BBS4: variants seen among roughly 807,000 people sequenced by gnomAD.
The protein encoded by BBS4 is Bardet-Biedl syndrome 4, also known as BBSome complex member BBS4.
A neutral mutation model predicts 71.4 loss-of-function variants in BBS4; 58 were observed. The ratio of observed to expected loss-of-function variants is 0.81; its 90% CI spans 0.66 to 1.01. The LOEUF is 1.01. Ranked by LOEUF, BBS4 falls within the 50% of genes least tolerant of loss-of-function variation. The pLI is 0.00. For missense variants in BBS4, 660 were observed against 607.9 expected (o/e 1.09, Z -0.90); for synonymous variants, 228 against 216.8 (o/e 1.05, Z -0.46).
intron 10 of BBS4, among the ~76,000 whole-genome samples, chr15:72,730,393 TCAA>T (rs1436193942): frequency 3.3e-5 from 5 of 152,192 alleles, no homozygotes; most frequent in African/African-American, 1.2e-4. Flanking sequence ...GGCCAGGAGT[TCAA>T]GACCAGGCTG....
intron 6 of BBS4, among the ~76,000 whole-genome samples, chr15:72,718,166 A>G (rs189013298): frequency 1.3e-5 from 2 of 152,142 alleles, no homozygotes; most frequent in Admixed American, 1.3e-4. Context: ...TCATTTTATT[A>G]TATGTTCAGG....
intron 3 of BBS4, among the ~76,000 whole-genome samples, chr15:72,710,195 G>GTTCTTTTTTTTTTTTTTTTTT (rs1239689474): frequency 9.7e-6 from 1 of 103,436 alleles, no homozygotes; most frequent in Non-Finnish European, 1.8e-5. Flanking sequence ...ATTTTGTCGA[G>GTTCTTTTTTTTTTTTTTTTTT]TTTTTTTTTT....
intron 4 of BBS4, among the ~76,000 whole-genome samples, chr15:72,712,574 G>T (rs2065393768): frequency 1.3e-5 from 2 of 152,236 alleles, no homozygotes; most frequent in Non-Finnish European, 2.9e-5. Flanking sequence ...GTATGAGCAG[G>T]TGTTATACCG....
Position 72,737,553 on chromosome 15 carries a change from C to G in BBS4, c.1526C>G (p.Pro509Arg). Residue 509 changes from proline (P) to arginine (R), a missense_variant, in exon 16 of 16, where the codon CCA (proline) becomes CGA (arginine). Transcript: ENST00000268057. ...CCAGAGCCTGCGGTGGAATCAAGTC[C>G]AACTGAAACATCAGAACAAATAAGA... The part of the protein sequence containing the change: ...LEPEPAVESS[P>R]TETSEQIREK 6.2e-7 allele frequency: 1 copy of G among 1,611,728 alleles called. No homozygotes were observed. The highest frequency in any genetic ancestry group is 8.5e-7 in the Non-Finnish European group (1 of 1,179,066).
chr15:72,720,165 C>T (rs537691502), intron 6 of BBS4, among the ~76,000 whole-genome samples: 1 of 151,642 alleles, frequency 6.6e-6, no homozygotes, highest in South Asian at 2.1e-4. Flanking sequence ...ACCTACCCTA[C>T]ATATTTCATA....
intron 6 of BBS4, among the ~76,000 whole-genome samples, chr15:72,720,434 C>A (rs2065548636): frequency 6.7e-6 from 1 of 148,910 alleles, no homozygotes; most frequent in South Asian, 2.1e-4. Context: ...ATGCGGTGAA[C>A]TGTGATTGTG....
intron 8 of BBS4, among the ~76,000 whole-genome samples, chr15:72,726,638 A>G (rs2065708514): frequency 6.6e-6 from 1 of 152,206 alleles, no homozygotes; most frequent in Admixed American, 6.5e-5. Flanking sequence ...ATTTTCTTCA[A>G]CCATATTTTG....
Position 72,733,357 on chromosome 15 carries a change from G to T in BBS4, c.1036+1631G>T, listed in dbSNP as rs537000602. ...TGTGCATCCTGTTACACAGGCACGT[G>T]TGTCATGGGGATTAGTTGTACAGAT... On this transcript the variant is annotated intron_variant, in intron 12 of 15. Coordinates refer to ENST00000268057, the MANE Select transcript of BBS4 (RefSeq NM_033028.5). Among the ~76,000 whole-genome samples, 461 of 152,166 alleles carry T rather than the reference G, an allele frequency of 3.0e-3. 3 individuals are homozygous for T. The highest frequency in any genetic ancestry group is 0.011 in the African/African-American group (436 of 41,496).
At chr15:72,725,990 CTTCCCCT>C (rs1318071752) in intron 8 of BBS4, among the ~76,000 whole-genome samples, 3 of 130,734 alleles carry the variant, frequency 2.3e-5, no homozygotes, top group Non-Finnish European at 3.2e-5. Context: ...TCCCATCTCC[CTTCCCCT>C]TTCCCCTCCC....
At chr15:72,716,892 C>T (rs2151025146) in intron 6 of BBS4, 42 bp downstream of exon 6, 1 of 1,382,082 alleles carries the variant, frequency 7.2e-7, no homozygotes, top group Non-Finnish European at 1.0e-6. Flanking sequence ...AGTAAACTTG[C>T]TAATGGTTCC....
chr15:72,696,450 A>G (rs1411804653), intron 2 of BBS4, among the ~76,000 whole-genome samples: 1 of 152,172 alleles, frequency 6.6e-6, no homozygotes, highest in Non-Finnish European at 1.5e-5. Context: ...GTAGCACCAT[A>G]ATCAAGTTAT....
Position 72,688,430 on chromosome 15 carries a change from T to C in BBS4, c.24+2179T>C, listed in dbSNP as rs796878917. 4.7e-4 allele frequency among the ~76,000 whole-genome samples: 68 copies of C among 144,564 alleles called. 2 individuals are homozygous for C. The highest frequency in any genetic ancestry group is 1.4e-3 in the African/African-American group (52 of 37,996). The allele number at this position is 144,564 out of a possible 152,430, so 94.8% of individuals were successfully genotyped here. A position where few individuals can be genotyped will look rare whatever the true frequency, so the allele number is the denominator to read the frequency against. On this transcript the variant is annotated intron_variant, in intron 1 of 15. Transcript: ENST00000268057. ...TTTTATCTTTTTTTTTTTTTTTTTT[T>C]TGAGACGGAGTCTCACTTTGTCGCC...
rs191347929 is a variant in BBS4, at chr15:72,725,800, C to T, written c.587+1145C>T. Among the ~76,000 whole-genome samples, 59 of 18,370 alleles carry T rather than the reference C, an allele frequency of 3.2e-3. 14 individuals carry two copies. The East Asian group carries it at 0.04, about 13-fold the overall frequency. The allele number at this position is 18,370 out of a possible 152,430, so 12.1% of individuals were successfully genotyped here. A position where few individuals can be genotyped will look rare whatever the true frequency, so the allele number is the denominator to read the frequency against. ...CTTCCCCTTCCTCCTTCCCTCTTCC[C>T]CCATCCCCCTTCCCCCATCCCCCTT... On this transcript the variant is annotated intron_variant, in intron 8 of 15. Transcript: ENST00000268057.
In BBS4 at chr15:72,712,060, G is replaced by C. The variant is rs570350854; in HGVS notation, c.157-184G>C. 2.0e-5 allele frequency among the ~76,000 whole-genome samples: 3 copies of C among 151,844 alleles called. No individual in the cohort carries two copies. The South Asian group carries it at 6.2e-4, about 32-fold the overall frequency. On this transcript the variant is annotated intron_variant, in intron 3 of 15. Transcript: ENST00000268057. Reference sequence around the variant, plus strand: ...ATTTTTGTATTTTTAGTAGAGATGGGGTTTCACCATATTGGTTAGGCTGAT... The same window carrying C: ...ATTTTTGTATTTTTAGTAGAGATGGCGTTTCACCATATTGGTTAGGCTGAT...
intron 10 of BBS4, among the ~76,000 whole-genome samples, chr15:72,730,502 A>C (rs891437385): frequency 6.6e-6 from 1 of 151,948 alleles, no homozygotes; most frequent in Non-Finnish European, 1.5e-5. Flanking sequence ...GGAAGAGGGA[A>C]GATCACTTGA....
At position 72,724,513 on chromosome 15, in the gene BBS4, T is replaced by C. The variant is rs750938468; in HGVS notation, c.460-15T>C. On this transcript the variant is annotated splice_polypyrimidine_tract_variant and intron_variant, in intron 7 of 15. Coordinates refer to ENST00000268057, the MANE Select transcript of BBS4 (RefSeq NM_033028.5). ...GGTAGTGATTTGGTTTTCTTTATTT[T>C]GTTAAACTTGTCAGGCACAAGACCA... is the stretch of plus-strand genomic sequence containing the variant. The C allele has an allele frequency of 1.9e-6, 3 of 1,613,642 alleles. No homozygotes were observed. Among genetic ancestry groups the C allele is most frequent in the Non-Finnish European group, 2.5e-6 (3 of 1,179,698 alleles).
intron 1 of BBS4, among the ~76,000 whole-genome samples, chr15:72,688,601 C>T (rs1204000985): frequency 1.3e-5 from 2 of 151,832 alleles, no homozygotes; most frequent in Non-Finnish European, 2.9e-5. Flanking sequence ...GATGGGGTTT[C>T]ACCACGTTGG....
chr15:72,716,880 T>A, intron 6 of BBS4, 30 bp downstream of exon 6: 1 of 1,484,394 alleles, frequency 6.7e-7, no homozygotes, highest in Non-Finnish European at 9.4e-7. Context: ...TTCTTTCTTA[T>A]TAGTAAACTT....
At chr15:72,706,944 G>A (rs1288001855) in intron 2 of BBS4, among the ~76,000 whole-genome samples, 1 of 151,900 alleles carries the variant, frequency 6.6e-6, no homozygotes. Flanking sequence ...GCCTCCCAAA[G>A]CGCTGGGATT....
Sources: gnomAD v4.1 joint callset for allele counts (sites outside exome capture counted in the v4.1 genomes callset) on GRCh38, gnomAD v4.1.1 for gene constraint, MANE v1.5 for transcripts, NCBI Gene and HGNC (gene_info 2026-07-23, HGNC 2026-07-21) for gene names.